The following SPECC1L variants were observed in gnomAD, a reference collection of about 807,000 sequenced individuals.
SPECC1L encodes the protein cytospin-A.
A neutral mutation model predicts 116.8 loss-of-function variants in SPECC1L; 40 were observed. The ratio of observed to expected loss-of-function variants is 0.34; its 90% CI spans 0.27 to 0.45. SPECC1L has a LOEUF of 0.45. Ranked by LOEUF, SPECC1L falls within the 20% of genes least tolerant of loss-of-function variation. SPECC1L has a pLI of 1.00. For missense variants in SPECC1L, 1,110 were observed against 1,373.6 expected (o/e 0.81, Z 3.03); for synonymous variants, 504 against 500.6 (o/e 1.01, Z -0.09).
chr22:24,285,401 A>G (rs1045546854), intron 2 of SPECC1L, among the ~76,000 whole-genome samples: 2 of 152,142 alleles, frequency 1.3e-5, no homozygotes, highest in Non-Finnish European at 1.5e-5. Context: ...AAGATGAAAG[A>G]CCGAAATTTG....
intron 14 of SPECC1L, among the ~76,000 whole-genome samples, chr22:24,390,132 C>G (rs1167669517): frequency 6.7e-6 from 1 of 149,764 alleles, no homozygotes; most frequent in Non-Finnish European, 1.5e-5. Context: ...CTACCCCAAC[C>G]CTTAAAAAAA....
At chr22:24,393,851 A>G (rs2042317533) in intron 14 of SPECC1L, among the ~76,000 whole-genome samples, 1 of 151,758 alleles carries the variant, frequency 6.6e-6, no homozygotes, top group African/African-American at 2.4e-5. Flanking sequence ...TCTCCCCCAC[A>G]TTTCCCATCC....
intron 14 of SPECC1L, among the ~76,000 whole-genome samples, chr22:24,400,094 CA>C (rs2042444270): frequency 6.6e-6 from 1 of 152,162 alleles, no homozygotes; most frequent in Non-Finnish European, 1.5e-5. Context: ...ACATATGTAA[CA>C]AAAATTTACC....
At chr22:24,316,146 T>C (rs766693341) in intron 4 of SPECC1L, among the ~76,000 whole-genome samples, 2 of 152,238 alleles carry the variant, frequency 1.3e-5, no homozygotes, top group Non-Finnish European at 2.9e-5. Context: ...TCCAGTGACT[T>C]TCCTAAGACT....
At chr22:24,380,177 G>T (rs2042040084) in intron 14 of SPECC1L, among the ~76,000 whole-genome samples, 1 of 152,178 alleles carries the variant, frequency 6.6e-6, no homozygotes, top group Admixed American at 6.5e-5. Context: ...GGTCTGAAAT[G>T]CATAATCTTT....
chr22:24,398,948 G>C (rs1020735661), intron 14 of SPECC1L, among the ~76,000 whole-genome samples: 2 of 152,214 alleles, frequency 1.3e-5, no homozygotes, highest in Non-Finnish European at 2.9e-5. Context: ...TTGCATTTTA[G>C]TGAGTAATAT....
At position 24,295,970 on chromosome 22, in the gene SPECC1L, A is replaced by G. The variant is rs1030386394; in HGVS notation, c.-37-6225A>G. Among the ~76,000 whole-genome samples, 71 of 152,120 alleles carry G rather than the reference A, an allele frequency of 4.7e-4. 4 individuals carry two copies. Among genetic ancestry groups the G allele is most frequent in the Non-Finnish European group, 1.3e-4 (9 of 68,014 alleles). ...TCTCAAAAACAAAAAGTATACCAGC[A>G]CTGATGACAACATTGGACAAGTAGA... On this transcript the variant is annotated intron_variant, in intron 2 of 16. Coordinates refer to ENST00000314328, the MANE Select transcript of SPECC1L (RefSeq NM_015330.6).
At chr22:24,340,786 T>C (rs764432352) in intron 10 of SPECC1L, among the ~76,000 whole-genome samples, 3 of 152,258 alleles carry the variant, frequency 2.0e-5, no homozygotes, top group Admixed American at 6.5e-5. Context: ...TTCCCAGACC[T>C]CATCCTGGTA....
At chr22:24,369,689 A>G (rs185871224) in intron 14 of SPECC1L, among the ~76,000 whole-genome samples, 21 of 152,360 alleles carry the variant, frequency 1.4e-4, no homozygotes, top group African/African-American at 3.4e-4. Context: ...AATGTTAGGA[A>G]CACATTCTCA....
At chr22:24,303,844 G>GGTGTGTGTGTGTGTGTGT (rs3031935) in intron 3 of SPECC1L, among the ~76,000 whole-genome samples, 1 of 143,990 alleles carries the variant, frequency 6.9e-6, no homozygotes, top group African/African-American at 2.6e-5. Flanking sequence ...GTTTAAATAG[G>GGTGTGTGTGTGTGTGTGT]GTGTGTGTGT....
At chr22:24,347,445 T>C (rs1166744774) in intron 11 of SPECC1L, among the ~76,000 whole-genome samples, 1 of 152,200 alleles carries the variant, frequency 6.6e-6, no homozygotes, top group Non-Finnish European at 1.5e-5. Flanking sequence ...TCATGGCATA[T>C]GTATTATTGT....
chr22:24,325,277 G>C (rs139965652), intron 6 of SPECC1L, among the ~76,000 whole-genome samples: 2 of 152,312 alleles, frequency 1.3e-5, no homozygotes, highest in East Asian at 3.9e-4. Context: ...TTAGAGGTTC[G>C]AGAGTTGAAG....
chr22:24,282,056 G>A (rs1281784185), intron 2 of SPECC1L, among the ~76,000 whole-genome samples: 1 of 152,216 alleles, frequency 6.6e-6, no homozygotes, highest in Non-Finnish European at 1.5e-5. Context: ...GATTGGTCAG[G>A]GGTGAAATCA....
intron 16 of SPECC1L, among the ~76,000 whole-genome samples, chr22:24,413,191 C>G (rs539623014): frequency 6.6e-6 from 1 of 152,124 alleles, no homozygotes; most frequent in Non-Finnish European, 1.5e-5. Context: ...TGCACTTCCT[C>G]GTGATGGTGT....
At chr22:24,331,036 T>G (rs1185887659) in intron 8 of SPECC1L, among the ~76,000 whole-genome samples, 1 of 152,220 alleles carries the variant, frequency 6.6e-6, no homozygotes, top group East Asian at 1.9e-4. Flanking sequence ...TTCACTTGTT[T>G]TATCTTATAA....
chr22:24,300,654 A>G lies in SPECC1L; in HGVS notation c.-37-1541A>G, dbSNP rs556067306. ...GCATCTGCTGTTTCTTGACTTTTTA[A>G]TCATTGCAATTCTGACTGGCATGAG... On this transcript the variant is annotated intron_variant, in intron 2 of 16. Transcript: ENST00000314328. Among the ~76,000 whole-genome samples the G allele has an allele frequency of 3.8e-4, 58 of 152,248 alleles. 3 individuals are homozygous for G. In the South Asian group the frequency reaches 0.012, roughly 30 times the overall value.
Position 24,321,520 on chromosome 22 carries a change from T to C in SPECC1L, c.540T>C (p.Ala180=), listed in dbSNP as rs1219663880. The change falls in exon 5 of 17, where the codon GCT becomes GCC. Residue 180 remains alanine (A), a synonymous_variant. Coordinates refer to ENST00000314328, the MANE Select transcript of SPECC1L (RefSeq NM_015330.6). The stretch of plus-strand genomic sequence containing the variant: ...ACAATCAGATCAGTGACAGAGCTGC[T>C]TTGGAGGCCAAAGTGAAGGATCTTC... ...KSDNQISDRA[A]LEAKVKDLLT... 6.2e-7 allele frequency: 1 copy of C among 1,614,228 alleles called. No homozygotes were observed. The highest frequency in any genetic ancestry group is 1.1e-5 in the South Asian group (1 of 91,084).
intron 4 of SPECC1L, among the ~76,000 whole-genome samples, chr22:24,319,969 C>T (rs2040687905): frequency 6.6e-6 from 1 of 152,134 alleles, no homozygotes; most frequent in Non-Finnish European, 1.5e-5. Context: ...GTGGCTCACG[C>T]CTGTAAGTGC....
At chr22:24,317,035 GC>G (rs1202945362) in intron 4 of SPECC1L, among the ~76,000 whole-genome samples, 1 of 123,644 alleles carries the variant, frequency 8.1e-6, no homozygotes, top group Non-Finnish European at 1.8e-5. Flanking sequence ...CGGGCGGGGG[GC>G]TGACCCCCCC....
Sources: gnomAD v4.1 joint callset for allele counts (sites outside exome capture counted in the v4.1 genomes callset) on GRCh38, gnomAD v4.1.1 for gene constraint, MANE v1.5 for transcripts, NCBI Gene and HGNC (gene_info 2026-07-23, HGNC 2026-07-21) for gene names.